The following ANKRD62 variants were observed in gnomAD, a reference collection of about 807,000 sequenced individuals.
The protein encoded by ANKRD62 is ankyrin repeat domain 62.
In ANKRD62, 61 loss-of-function variants were observed where a neutral mutation model predicts 98.8. The observed-to-expected ratio is 0.62, with a 90% CI of 0.50 to 0.76. The LOEUF is 0.76. Among genes scored for constraint, ANKRD62 ranks in the 30% least tolerant of loss-of-function variants. The pLI is 0.00. For synonymous variants in ANKRD62, 341 were observed against 367.9 expected, an observed-to-expected ratio of 0.93 and a Z score of 0.84; for missense variants, 933 against 1,082.9, an observed-to-expected ratio of 0.86 and a Z score of 1.94.
chr18:12,145,307 C>CA, the ANKRD62 span, among the ~76,000 whole-genome samples: 255 of 152,216 alleles, frequency 1.7e-3, no homozygotes, highest in African/African-American at 5.8e-3. Context: ...TTGGAATCTC[C>CA]AAAGCTCGAA....
In ANKRD62 at chr18:12,125,873, A is replaced by C. The variant is rs570868778; in HGVS notation, c.2052A>C (p.Thr684=). 1 of 1,545,764 alleles carries C rather than the reference A, an allele frequency of 6.5e-7. No homozygotes were observed. Among genetic ancestry groups the C allele is most frequent in the Non-Finnish European group, 8.7e-7 (1 of 1,147,256 alleles). The change falls in exon 13 of 14, where the codon ACA becomes ACC. Residue 684 remains threonine, a synonymous_variant. Coordinates refer to ENST00000587848, the MANE Select transcript of ANKRD62 (RefSeq NM_001277333.2). The part of the protein sequence containing the change: ...KRDLQLAFQS[T]VNEWCHLQED... ...ACCTACAGCTTGCTTTCCAGAGCAC[A>C]GTGAATGAATGGTGTCATTTACAAG...
the ANKRD62 span, among the ~76,000 whole-genome samples, chr18:12,140,756 T>C: frequency 6.6e-6 from 1 of 152,178 alleles, no homozygotes; most frequent in African/African-American, 2.4e-5. Flanking sequence ...AGTCCGCCCC[T>C]AGTTGGGGGT....
Position 12,107,370 on chromosome 18 carries a change from A to T in ANKRD62, c.967A>T (p.Asn323Tyr). The T allele has an allele frequency of 6.6e-7, 1 of 1,526,162 alleles. No homozygotes were observed. Among genetic ancestry groups the T allele is most frequent in the South Asian group, 1.2e-5 (1 of 82,140 alleles). 94.5% of individuals were successfully genotyped at this position (1,526,162 alleles called of 1,614,324 possible). A position where few individuals can be genotyped will look rare whatever the true frequency, so the allele number is the denominator to read the frequency against. The change falls in exon 8 of 14, where the codon AAT (asparagine) becomes TAT (tyrosine). Residue 323 changes from asparagine (N) to tyrosine (Y), a missense_variant. Around this residue, in one of 3 missense-constraint regions of ANKRD62, gnomAD observed 549 missense variants for 587.9 expected, o/e 0.93. Coordinates refer to ENST00000587848, the MANE Select transcript of ANKRD62 (RefSeq NM_001277333.2). ...AAACGTACATGCTGATGACAGTGAC[A>T]ATTATAATGATGATGTTGATGAATT... Reference protein sequence around the residue: ...SRNVHADDSDNYNDDVDELIH... With the variant: ...SRNVHADDSDYYNDDVDELIH...
At chr18:12,167,987 T>G in the ANKRD62 span, among the ~76,000 whole-genome samples, 3 of 152,344 alleles carry the variant, frequency 2.0e-5, no homozygotes, top group South Asian at 6.2e-4. Flanking sequence ...TGTTTGATTT[T>G]TTTTTCTTGT....
intron 11 of ANKRD62, among the ~76,000 whole-genome samples, chr18:12,122,874 T>G (rs1434740527): frequency 6.6e-6 from 1 of 152,188 alleles, no homozygotes; most frequent in Non-Finnish European, 1.5e-5. Context: ...TGGATAAATT[T>G]TTCAAAATAG....
chr18:12,156,279 A>G, the ANKRD62 span, among the ~76,000 whole-genome samples: 5 of 152,160 alleles, frequency 3.3e-5, no homozygotes, highest in African/African-American at 1.2e-4. Context: ...ACCCAATCTC[A>G]GGTATTTTTC....
rs540938837 is a variant in ANKRD62 at position 12,107,980 on chromosome 18, G to A, written c.1064+513G>A. Among the ~76,000 whole-genome samples, 14 of 152,126 alleles carry A rather than the reference G, an allele frequency of 9.2e-5. No individual in the cohort carries two copies. The South Asian group carries it at 2.3e-3, about 25-fold the overall frequency. ...AGTTATTTCTTTATATGAAATTGTT[G>A]CGTGCATACATATATATGGTAAGAA... On this transcript the variant is annotated intron_variant, in intron 8 of 13. Transcript: ENST00000587848.
At chr18:12,130,366 G>T (rs148851834), downstream of ANKRD62, among the ~76,000 whole-genome samples, 3 of 151,954 alleles carry the variant, frequency 2.0e-5, no homozygotes, top group Non-Finnish European at 4.4e-5. Flanking sequence ...AGAAAATGCC[G>T]TGTTAAAAAT....
chr18:12,109,763 T>C (rs1260378328), intron 8 of ANKRD62, among the ~76,000 whole-genome samples: 1 of 152,108 alleles, frequency 6.6e-6, no homozygotes, highest in Non-Finnish European at 1.5e-5. Context: ...CAACTTTTTA[T>C]GTAAAGAACC....
chr18:12,141,329 C>A, the ANKRD62 span, among the ~76,000 whole-genome samples: 1 of 152,220 alleles, frequency 6.6e-6, no homozygotes, highest in East Asian at 1.9e-4. Context: ...CGCCCTGCTT[C>A]AGCTCACACA....
chr18:12,175,139 G>A, the ANKRD62 span, among the ~76,000 whole-genome samples: 1 of 152,204 alleles, frequency 6.6e-6, no homozygotes, highest in Non-Finnish European at 1.5e-5. Context: ...CTGTGTATGT[G>A]GTTGCATTGG....
At chr18:12,150,462 A>G in the ANKRD62 span, among the ~76,000 whole-genome samples, 2 of 152,198 alleles carry the variant, frequency 1.3e-5, no homozygotes, top group Non-Finnish European at 2.9e-5. Context: ...CTCCTGCAAG[A>G]TTTTACACAC....
the ANKRD62 span, among the ~76,000 whole-genome samples, chr18:12,136,956 G>A: frequency 2.0e-5 from 3 of 152,084 alleles, no homozygotes; most frequent in Non-Finnish European, 2.9e-5. Flanking sequence ...GGGCTGAGAT[G>A]ATGGGGTTTT....
At chr18:12,139,373 G>A in the ANKRD62 span, among the ~76,000 whole-genome samples, 8 of 152,092 alleles carry the variant, frequency 5.3e-5, no homozygotes, top group African/African-American at 1.4e-4. Context: ...AGCTGGGCAC[G>A]GTGGCTCATG....
chr18:12,150,277 A>G, the ANKRD62 span, among the ~76,000 whole-genome samples: 18 of 152,208 alleles, frequency 1.2e-4, no homozygotes, highest in Admixed American at 6.5e-5. Flanking sequence ...AAAGACATGA[A>G]CAAAACCTCT....
intron 10 of ANKRD62, among the ~76,000 whole-genome samples, chr18:12,119,192 T>G (rs1335027178): frequency 1.3e-5 from 2 of 151,402 alleles, no homozygotes; most frequent in Non-Finnish European, 1.5e-5. Flanking sequence ...GTCACCTTGG[T>G]TTTTTTTTGT....
At chr18:12,097,321 A>C (rs1008146015) in intron 4 of ANKRD62, among the ~76,000 whole-genome samples, 47 of 152,232 alleles carry the variant, frequency 3.1e-4, no homozygotes, top group African/African-American at 1.1e-3. Flanking sequence ...GAAATGGATA[A>C]TTTTTCACTT....
chr18:12,132,666 G>A (rs1910022479), downstream of ANKRD62, among the ~76,000 whole-genome samples: 1 of 151,906 alleles, frequency 6.6e-6, no homozygotes, highest in African/African-American at 2.4e-5. Context: ...TCTCCAGTTT[G>A]CTGAGGTTAT....
intron 10 of ANKRD62, among the ~76,000 whole-genome samples, chr18:12,121,045 A>G (rs1474826921): frequency 6.6e-6 from 1 of 152,060 alleles, no homozygotes; most frequent in Non-Finnish European, 1.5e-5. Context: ...GGGGATTTAT[A>G]TATTAGTTGC....
Sources: allele counts gnomAD v4.1 joint callset (sites outside exome capture counted in the v4.1 genomes callset), GRCh38; gene constraint gnomAD v4.1.1; regional missense constraint gnomAD v4.1.1; transcripts MANE v1.5; gene names NCBI Gene and HGNC (gene_info 2026-07-23, HGNC 2026-07-21).